Variants in CCDC180 observed in about 807,000 individuals in gnomAD.
CCDC180 encodes the protein coiled-coil domain containing 180, also known as coiled-coil domain-containing protein 180.
CCDC180 carries 154 observed loss-of-function variants against 209.2 expected under a neutral mutation model. The observed-to-expected ratio is 0.74, with a 90% CI of 0.65 to 0.84. The LOEUF (loss-of-function observed/expected upper bound fraction) is 0.84. Among genes scored for constraint, CCDC180 ranks in the 40% least tolerant of loss-of-function variants. The pLI, the probability that CCDC180 is intolerant of heterozygous loss-of-function variation, is 0.00. For synonymous variants in CCDC180, 778 were observed against 749.1 expected (o/e 1.04, Z -0.63); for missense variants, 1,874 against 1,997.3 (o/e 0.94, Z 1.18).
At position 97,342,144 on chromosome 9, in the gene CCDC180, G is replaced by A. The variant is rs760304272; in HGVS notation, c.2275-1196G>A. ...CCTTGCGCTTCCCGGGTGAGGCGAT[G>A]CCCCGCCCTTCTTCGGCTCACCCTC... On this transcript the variant is annotated intron_variant, in intron 18 of 36. Coordinates refer to ENST00000529487, the MANE Select transcript of CCDC180 (RefSeq NM_020893.6). 3.5e-4 allele frequency among the ~76,000 whole-genome samples: 54 copies of A among 152,246 alleles called. 1 individual carries two copies. The highest frequency in any genetic ancestry group is 6.5e-4 in the Non-Finnish European group (44 of 68,044).
intron 29 of CCDC180, chr9:97,365,455 TGAG>T: frequency 1.9e-6 from 1 of 520,584 alleles, no homozygotes; most frequent in Non-Finnish European, 3.5e-6. Context: ...AGCTGGGGTC[TGAG>T]GAAGGGCAGG....
intron 20 of CCDC180, 193 bp downstream of exon 20, chr9:97,347,682 C>G: frequency 1.9e-6 from 1 of 539,934 alleles, no homozygotes; most frequent in Non-Finnish European, 3.2e-6. Context: ...ACTCCAAATC[C>G]TTCTGTGAGA....
intron 18 of CCDC180, among the ~76,000 whole-genome samples, chr9:97,340,515 A>G (rs1023347222): frequency 6.6e-6 from 1 of 152,244 alleles, no homozygotes; most frequent in African/African-American, 2.4e-5. Context: ...ATTAGTTTGT[A>G]GCAATTACTC....
intron 19 of CCDC180, among the ~76,000 whole-genome samples, chr9:97,346,840 G>GTGC (rs1382250463): frequency 4.6e-5 from 7 of 152,186 alleles, no homozygotes; most frequent in African/African-American, 1.7e-4. Flanking sequence ...ATCTCCCAAA[G>GTGC]TGCTGGGATC....
chr9:97,347,082 C>A (rs1826279579), intron 19 of CCDC180, among the ~76,000 whole-genome samples: 1 of 152,164 alleles, frequency 6.6e-6, no homozygotes, highest in East Asian at 1.9e-4. Flanking sequence ...TCAGCAATTC[C>A]AGTTCAAGGT....
chr9:97,317,325 A>G, intron 9 of CCDC180, 97 bp downstream of exon 9: 1 of 1,146,012 alleles, frequency 8.7e-7, no homozygotes, highest in East Asian at 2.7e-5. Flanking sequence ...TTACTTAAAA[A>G]TGCTGCTGTT....
chr9:97,363,798 A>T, intron 28 of CCDC180: 2 of 565,066 alleles, frequency 3.5e-6, no homozygotes, highest in Non-Finnish European at 6.6e-6. Context: ...GAGCACCTCC[A>T]CCCCTTGCCC....
At position 97,314,654 on chromosome 9, in the gene CCDC180, T is replaced by C. The variant is rs752632555; in HGVS notation, c.625T>C (p.Leu209=). 6.8e-6 allele frequency: 11 copies of C among 1,613,888 alleles called. No individual in the cohort carries two copies. The highest frequency in any genetic ancestry group is 1.3e-5 in the African/African-American group (1 of 74,892). ...LELWDKVAGR[L]LLRKQEIKEL... is the part of the protein sequence containing the mutation. ...GCTGTGGGATAAGGTGGCCGGGCGG[T>C]TACTGCTCCGGAAGCAGGAGATTAA... The change falls in exon 7 of 37, where the codon TTA becomes CTA. Residue 209 remains leucine, a synonymous_variant. Coordinates refer to ENST00000529487, the MANE Select transcript of CCDC180 (RefSeq NM_020893.6).
chr9:97,359,911 C>A, intron 25 of CCDC180, 71 bp from the exon 26 acceptor site: 1 of 1,587,594 alleles, frequency 6.3e-7, no homozygotes, highest in Non-Finnish European at 8.6e-7. Flanking sequence ...TGTTCCCGCA[C>A]TTCCCACAGA....
chr9:97,328,226 G>A, intron 16 of CCDC180, 80 bp downstream of exon 16: 1 of 1,488,938 alleles, frequency 6.7e-7, no homozygotes, highest in Non-Finnish European at 9.1e-7. Flanking sequence ...GATCTGCCTA[G>A]ACTTTGAAAG....
In CCDC180 at chr9:97,343,534, A is replaced by T; in HGVS notation, c.2469A>T (p.Pro823=). The T allele has an allele frequency of 6.2e-7, 1 of 1,613,626 alleles. No individual in the cohort carries two copies. The highest frequency in any genetic ancestry group is 8.5e-7 in the Non-Finnish European group (1 of 1,179,572). The change falls in exon 19 of 37, where the codon CCA becomes CCT. Residue 823 remains proline (P), a synonymous_variant. Transcript: ENST00000529487. Reference sequence around the variant, plus strand: ...AGTTCATAGAACAAGTGACAATTCCATCGAGACTAATTTTAGAAATTAAGA... The same window carrying T: ...AGTTCATAGAACAAGTGACAATTCCTTCGAGACTAATTTTAGAAATTAAGA... ...SAKFIEQVTI[P]SRLILEIKKQ...
intron 18 of CCDC180, among the ~76,000 whole-genome samples, chr9:97,331,608 A>G (rs1426742436): frequency 2.6e-5 from 4 of 152,058 alleles, no homozygotes; most frequent in African/African-American, 9.7e-5. Context: ...CTGTTATGAG[A>G]TGGTATCTCA....
intron 18 of CCDC180, among the ~76,000 whole-genome samples, chr9:97,333,503 GTTTTTTTTTTTTT>G (rs373215367): frequency 1.4e-5 from 1 of 72,850 alleles, no homozygotes; most frequent in Non-Finnish European, 2.6e-5. Context: ...CTGGGTTTGG[GTTTTTTTTTTTTT>G]TTTTTTTTTT....
intron 18 of CCDC180, among the ~76,000 whole-genome samples, chr9:97,341,671 G>T (rs749053733): frequency 6.6e-6 from 1 of 152,162 alleles, no homozygotes; most frequent in South Asian, 2.1e-4. Context: ...GTCCATTCTC[G>T]GAGCTCAAAC....
intron 18 of CCDC180, 81 bp from the exon 19 acceptor site, chr9:97,343,259 C>T (rs1324021854): frequency 2.1e-6 from 2 of 948,808 alleles, no homozygotes; most frequent in African/African-American, 1.7e-5. Flanking sequence ...TTTACAACCT[C>T]TGATATCAAG....
At chr9:97,346,867 G>C (rs1161966803) in intron 19 of CCDC180, among the ~76,000 whole-genome samples, 2 of 152,190 alleles carry the variant, frequency 1.3e-5, no homozygotes, top group Non-Finnish European at 2.9e-5. Context: ...ATGAGCCACA[G>C]TGCCCAGCCT....
chr9:97,325,956 G>GT (rs1369693002), intron 14 of CCDC180, among the ~76,000 whole-genome samples: 1 of 152,200 alleles, frequency 6.6e-6, no homozygotes, highest in Non-Finnish European at 1.5e-5. Flanking sequence ...CCCAAGGTGA[G>GT]TGGGGGGAAT....
rs766637371 is a variant in CCDC180, at chr9:97,314,858, G to A, written c.707G>A (p.Ser236Asn). Residue 236 changes from serine to asparagine, a missense_variant, in exon 8 of 37, where the codon AGC (serine) becomes AAC (asparagine). Ser to Asn is a conservative substitution (Grantham distance 46). Coordinates refer to ENST00000529487, the MANE Select transcript of CCDC180 (RefSeq NM_020893.6). ...GTGCCTTGTCATTTCTAGCTAAAAA[G>A]CGTGTTGAAGAAATATGCAGAAGTC... ...LEFSRTDKLK[S>N]VLKKYAEVIE... 12 of 1,613,700 alleles carry A rather than the reference G, an allele frequency of 7.4e-6. No individual in the cohort carries two copies. The highest frequency in any genetic ancestry group is 1.1e-5 in the South Asian group (1 of 91,082).
rs1263867696 is a variant in CCDC180 at position 97,362,209 on chromosome 9, A to G, written c.3670A>G (p.Lys1224Glu). 1.9e-6 allele frequency: 3 copies of G among 1,612,442 alleles called. No homozygotes were observed. Among genetic ancestry groups the G allele is most frequent in the Non-Finnish European group, 2.5e-6 (3 of 1,178,806 alleles). Residue 1224 changes from lysine to glutamate, a missense_variant, in exon 28 of 37, where the codon AAA becomes GAA. Transcript: ENST00000529487. Reference sequence around the variant, plus strand: ...CTTTGGTTTCAGACTTCCCAACACAAAATGGCCAACCCACCATTGTGACAA... The same window carrying G: ...CTTTGGTTTCAGACTTCCCAACACAGAATGGCCAACCCACCATTGTGACAA... Reference protein sequence around the residue: ...IRKLLQLPNTKWPTHHCDKDP... With the variant: ...IRKLLQLPNTEWPTHHCDKDP...
Sources: allele counts gnomAD v4.1 joint callset (sites outside exome capture counted in the v4.1 genomes callset), GRCh38; gene constraint gnomAD v4.1.1; transcripts MANE v1.5; gene names NCBI Gene and HGNC (gene_info 2026-07-23, HGNC 2026-07-21).